LINGO2: variants seen among roughly 807,000 people sequenced by gnomAD.
The protein encoded by LINGO2 is leucine-rich repeat and immunoglobulin-like domain-containing nogo receptor-interacting protein 2.
Under a neutral mutation model 30.6 loss-of-function variants are expected in LINGO2, and 14 were observed. The ratio of observed to expected loss-of-function variants is 0.46; its 90% CI spans 0.30 to 0.72. The LOEUF (loss-of-function observed/expected upper bound fraction) is 0.72, where lower values mean the gene tolerates loss of function less well. Ranked by LOEUF, LINGO2 falls within the 30% of genes least tolerant of loss-of-function variation. The pLI is 0.07. For missense variants in LINGO2, 729 were observed against 751.7 expected, an observed-to-expected ratio of 0.97 and a Z score of 0.35; for synonymous variants, 317 against 288.5, an observed-to-expected ratio of 1.10 and a Z score of -1.00.
rs79202833 is a variant in LINGO2 at position 28,326,522 on chromosome 9, C to T, written c.-245-31156G>A. ...CTGTTTGTTTCTTATACAGTGTTCACCACAAATAGTAATTACTGTATTTGT... is the reference window on the plus strand; with the variant it reads ...CTGTTTGTTTCTTATACAGTGTTCATCACAAATAGTAATTACTGTATTTGT... On this transcript the variant is annotated intron_variant, in intron 3 of 5. Coordinates refer to ENST00000379992, the Ensembl canonical transcript of LINGO2. Among the ~76,000 whole-genome samples, 931 of 152,254 alleles carry T rather than the reference C, an allele frequency of 6.1e-3. 17 individuals are homozygous for T. The highest frequency in any genetic ancestry group is 0.038 in the East Asian group (196 of 5,174).
the LINGO2 span, among the ~76,000 whole-genome samples, chr9:28,757,561 A>AATAT: frequency 5.7e-4 from 87 of 151,668 alleles, no homozygotes; most frequent in African/African-American, 2.1e-3. Flanking sequence ...GATATAAAGA[A>AATAT]ATATATATAG....
At chr9:27,978,501 A>T (rs2118870492) in intron 5 of LINGO2, among the ~76,000 whole-genome samples, 1 of 152,178 alleles carries the variant, frequency 6.6e-6, no homozygotes. Context: ...GGGACCCCAG[A>T]AACCTCCCTC....
chr9:28,456,603 A>C (rs1207912067), intron 2 of LINGO2, among the ~76,000 whole-genome samples: 2 of 152,100 alleles, frequency 1.3e-5, no homozygotes, highest in Non-Finnish European at 2.9e-5. Flanking sequence ...TTTTTTGAGA[A>C]ATTGCCCAGT....
chr9:28,820,381 C>T, the LINGO2 span, among the ~76,000 whole-genome samples: 1 of 152,054 alleles, frequency 6.6e-6, no homozygotes, highest in Non-Finnish European at 1.5e-5. Context: ...AAACCTTAGG[C>T]TAACGGAATA....
chr9:27,986,532 C>T (rs1405252861), intron 5 of LINGO2, among the ~76,000 whole-genome samples: 1 of 151,712 alleles, frequency 6.6e-6, no homozygotes, highest in Admixed American at 6.6e-5. Context: ...ACTATTTATT[C>T]ATTCAACAAT....
intron 4 of LINGO2, among the ~76,000 whole-genome samples, chr9:28,164,908 G>A (rs1450455606): frequency 2.6e-5 from 4 of 152,042 alleles, no homozygotes; most frequent in Admixed American, 6.6e-5. Context: ...TCATCATATC[G>A]AATTATTATT....
At chr9:28,049,237 C>A (rs923960013) in intron 4 of LINGO2, among the ~76,000 whole-genome samples, 2 of 150,764 alleles carry the variant, frequency 1.3e-5, no homozygotes, top group Non-Finnish European at 2.9e-5. Flanking sequence ...AGCCGATATT[C>A]TGGCTGTCTT....
chr9:29,074,136 A>G, the LINGO2 span, among the ~76,000 whole-genome samples: 2 of 152,160 alleles, frequency 1.3e-5, no homozygotes, highest in African/African-American at 4.8e-5. Flanking sequence ...AAGTAGCCTT[A>G]TATTTTAACA....
At chr9:27,958,069 T>C (rs1269034747) in intron 5 of LINGO2, among the ~76,000 whole-genome samples, 6 of 152,186 alleles carry the variant, frequency 3.9e-5, no homozygotes, top group African/African-American at 1.4e-4. Flanking sequence ...ACCATTAAGT[T>C]TGATGTTAGC....
the LINGO2 span, among the ~76,000 whole-genome samples, chr9:29,133,609 A>T: frequency 6.6e-6 from 1 of 152,058 alleles, no homozygotes; most frequent in African/African-American, 2.4e-5. Flanking sequence ...TAAAATGCAA[A>T]ATTTCAAAGA....
intron 1 of LINGO2, among the ~76,000 whole-genome samples, chr9:28,648,823 T>G (rs1827960238): frequency 6.6e-6 from 1 of 152,124 alleles, no homozygotes; most frequent in African/African-American, 2.4e-5. Flanking sequence ...TACACAGTAG[T>G]TACAGGCAAA....
chr9:28,747,774 T>G, the LINGO2 span, among the ~76,000 whole-genome samples: 1 of 81,722 alleles, frequency 1.2e-5, no homozygotes, highest in East Asian at 3.9e-4. Flanking sequence ...ATACTGGCTA[T>G]TGTTATATTT....
chr9:28,496,672 T>A (rs1417298082), intron 1 of LINGO2, among the ~76,000 whole-genome samples: 1 of 152,166 alleles, frequency 6.6e-6, no homozygotes, highest in Non-Finnish European at 1.5e-5. Flanking sequence ...AAAGTTAATA[T>A]TGTTATGTGT....
intron 4 of LINGO2, among the ~76,000 whole-genome samples, chr9:28,097,081 A>G (rs893656551): frequency 8.5e-5 from 13 of 152,178 alleles, no homozygotes; most frequent in Non-Finnish European, 1.5e-4. Context: ...AACACATGAA[A>G]AAATGCTCAC....
At chr9:29,205,560 T>C in the LINGO2 span, among the ~76,000 whole-genome samples, 1 of 152,146 alleles carries the variant, frequency 6.6e-6, no homozygotes, top group South Asian at 2.1e-4. Flanking sequence ...TTTATGTTGG[T>C]CTCATAGTTG....
rs10968230 is a variant in LINGO2, at chr9:27,963,466, G to C, written c.-35-12760C>G. Among the ~76,000 whole-genome samples, 1,297 of 152,204 alleles carry C rather than the reference G, an allele frequency of 8.5e-3. 104 individuals are homozygous for C. In the East Asian group the frequency reaches 0.18, roughly 22 times the overall value. ...AAAAACACAAGTAAGAAAGGAAAGA[G>C]ATCATGGTTGTTGTATGTTGTTTAA... On this transcript the variant is annotated intron_variant, in intron 5 of 5. Transcript: ENST00000379992.
intron 2 of LINGO2, among the ~76,000 whole-genome samples, chr9:28,403,722 T>A (rs1025549294): frequency 3.3e-5 from 5 of 151,842 alleles, no homozygotes; most frequent in Admixed American, 3.3e-4. Context: ...GCATGAAACT[T>A]TAATCTAGTT....
chr9:28,553,977 C>A (rs578067349), intron 1 of LINGO2, among the ~76,000 whole-genome samples: 1 of 152,002 alleles, frequency 6.6e-6, no homozygotes, highest in Non-Finnish European at 1.5e-5. Flanking sequence ...CAGGCCTGCC[C>A]TAAAAGAGCT....
At chr9:28,372,082 G>T (rs1820924582) in intron 3 of LINGO2, among the ~76,000 whole-genome samples, 1 of 152,148 alleles carries the variant, frequency 6.6e-6, no homozygotes, top group Non-Finnish European at 1.5e-5. Context: ...TGGATGGAAT[G>T]ATGGATAGAT....
Sources: gnomAD v4.1 joint callset for allele counts (sites outside exome capture counted in the v4.1 genomes callset) on GRCh38, gnomAD v4.1.1 for gene constraint, MANE v1.5 for transcripts, NCBI Gene and HGNC (gene_info 2026-07-23, HGNC 2026-07-21) for gene names.